Variants in CPSF1 observed in about 807,000 individuals in gnomAD.
The protein encoded by CPSF1 is cleavage and polyadenylation specific factor 1, also known as cleavage and polyadenylation specificity factor subunit 1.
Under a neutral mutation model 175.8 loss-of-function variants are expected in CPSF1, and 106 were observed. That is an observed-to-expected ratio of 0.60 (90% CI 0.52 to 0.71). The LOEUF (loss-of-function observed/expected upper bound fraction) is 0.71. CPSF1 is among the 30% of genes least tolerant of loss of function. The pLI is 0.00. For synonymous variants in CPSF1, 1,024 were observed against 858.3 expected (o/e 1.19, Z -3.37); for missense variants, 1,734 against 2,022.9 (o/e 0.86, Z 2.74).
intron 2 of CPSF1, among the ~76,000 whole-genome samples, chr8:144,403,713 C>T (rs1400275562): frequency 1.2e-3 from 2 of 1,686 alleles, no homozygotes; most frequent in Admixed American, 0.02. Flanking sequence ...CTACCATGCC[C>T]GGCTATTTTT....
chr8:144,400,371 G>A lies in CPSF1; in HGVS notation c.809C>T (p.Ala270Val). The change falls in exon 8 of 38, where the codon GCT becomes GTT. Residue 270 changes from alanine (A) to valine (V), a missense_variant. By Grantham distance (64) the Ala-to-Val change is moderately conservative. Around this residue, in one of 10 missense-constraint regions of CPSF1, gnomAD observed 61 missense variants for 104.0 expected, o/e 0.59. Coordinates refer to ENST00000616140, the MANE Select transcript of CPSF1 (RefSeq NM_013291.3). ...ACACACACCTATGGGCTTGGGCACA[G>A]CCAGAGCCTGGGTGCAGTCAAAGGG... ...SLPFDCTQAL[A>V]VPKPIGGVVV... is the part of the protein sequence containing the mutation. 1 of 1,613,904 alleles carries A rather than the reference G, an allele frequency of 6.2e-7. No homozygotes were observed. Among genetic ancestry groups the A allele is most frequent in the Non-Finnish European group, 8.5e-7 (1 of 1,179,968 alleles).
At chr8:144,396,009 C>T (rs1820698977) in intron 26 of CPSF1, 8 of 412,272 alleles carry the variant, frequency 1.9e-5, no homozygotes, top group South Asian at 6.6e-5. Flanking sequence ...GCCTGTGTGC[C>T]CTCCCAAAGT....
chr8:144,395,008 C>T lies in CPSF1; in HGVS notation c.3288G>A (p.Glu1096=). 6.2e-7 allele frequency: 1 copy of T among 1,610,202 alleles called. No individual in the cohort carries two copies. The highest frequency in any genetic ancestry group is 8.5e-7 in the Non-Finnish European group (1 of 1,177,936). ...AIPNARIELQ[E]WEHVTCMKTV... ...TCTTCATGCAGGTCACATGCTCCCA[C>T]TCCTGCAGCTCGATCCTGTGGGGGC... The change falls in exon 30 of 38, where the codon GAG becomes GAA. Residue 1096 remains glutamate (E), a synonymous_variant. Transcript: ENST00000616140.
chr8:144,398,052 T>C lies in CPSF1; in HGVS notation c.1975A>G (p.Met659Val). Residue 659 changes from methionine (M) to valine (V), a missense_variant, in exon 20 of 38, where the codon ATG becomes GTG. Met to Val is a conservative substitution (Grantham distance 21, BLOSUM62 1). Transcript: ENST00000616140. ...ATGGTGACGTGGCCCTCGGCACTCA[T>C]GATGACCACATAGGGGTCGGCCACG... is the stretch of plus-strand genomic sequence containing the variant. ...CAVADPYVVIMSAEGHVTMFL... is the reference protein window; with the variant it reads ...CAVADPYVVIVSAEGHVTMFL... The C allele has an allele frequency of 3.1e-6, 5 of 1,612,420 alleles. No individual in the cohort carries two copies. The highest frequency in any genetic ancestry group is 4.2e-6 in the Non-Finnish European group (5 of 1,179,704).
chr8:144,403,237 T>C (rs1376598246), intron 2 of CPSF1, among the ~76,000 whole-genome samples: 1 of 151,236 alleles, frequency 6.6e-6, no homozygotes, highest in African/African-American at 2.4e-5. Flanking sequence ...GCTGGGATTA[T>C]AGGCGCCCAC....
At chr8:144,407,541 G>T (rs1182264003) in intron 2 of CPSF1, among the ~76,000 whole-genome samples, 1 of 152,014 alleles carries the variant, frequency 6.6e-6, no homozygotes, top group Non-Finnish European at 1.5e-5. Flanking sequence ...AAAAAAATTA[G>T]CCGGGCGTGG....
At chr8:144,401,099 C>G (rs1821178263) in intron 5 of CPSF1, 24 bp from the exon 6 acceptor site, 2 of 1,604,894 alleles carry the variant, frequency 1.2e-6, no homozygotes, top group Non-Finnish European at 1.7e-6. Context: ...GGGCATCAGC[C>G]AGGCCCAGCA....
At chr8:144,401,734 G>C in intron 2 of CPSF1, 61 bp from the exon 3 acceptor site, 3 of 1,534,258 alleles carry the variant, frequency 2.0e-6, no homozygotes, top group Non-Finnish European at 2.6e-6. Context: ...CCTCATCCGG[G>C]GAACGAGAAA....
chr8:144,409,021 G>A lies in CPSF1; in HGVS notation c.138C>T (p.Asp46=), dbSNP rs879998051. The change falls in exon 2 of 38, where the codon GAC becomes GAT. Residue 46 remains aspartate (D), a synonymous_variant. Coordinates refer to ENST00000616140, the MANE Select transcript of CPSF1 (RefSeq NM_013291.3). ...SQLYVYRLNR[D]AEALTKNDRS... ...CTCCCAGGGCCCGACCTACCTCGGCGTCGCGGTTGAGGCGGTACACGTAGA... is the reference window on the plus strand; with the variant it reads ...CTCCCAGGGCCCGACCTACCTCGGCATCGCGGTTGAGGCGGTACACGTAGA... 1.2e-6 allele frequency: 2 copies of A among 1,612,940 alleles called. No homozygotes were observed. The highest frequency in any genetic ancestry group is 1.7e-6 in the Non-Finnish European group (2 of 1,179,662).
At position 144,398,531 on chromosome 8, in the gene CPSF1, G is replaced by T. The variant is rs2116851937; in HGVS notation, c.1746C>A (p.Ser582=). ...HGFLILSRED[S]TMILQTGQEI... ...CCCAGGCCCTGCCCCTCACCATGGT[G>T]GAGTCTTCCCGGCTCAGAATCAGGA... Residue 582 remains serine, a synonymous_variant, in exon 18 of 38, where the codon TCC becomes TCA. Coordinates refer to ENST00000616140, the MANE Select transcript of CPSF1 (RefSeq NM_013291.3). The T allele has an allele frequency of 6.2e-7, 1 of 1,613,632 alleles. No homozygotes were observed. Among genetic ancestry groups the T allele is most frequent in the South Asian group, 1.1e-5 (1 of 91,066 alleles).
At position 144,399,489 on chromosome 8, in the gene CPSF1, T is replaced by C. The variant is rs2116863297; in HGVS notation, c.1257A>G (p.Ser419=). The C allele has an allele frequency of 2.5e-6, 4 of 1,612,992 alleles. No homozygotes were observed. The highest frequency in any genetic ancestry group is 3.4e-6 in the Non-Finnish European group (4 of 1,179,914). ...REAADKEEPP[S]KKKRVDATAG... is the part of the protein sequence containing the mutation. ...CCGTCGCATCCACTCGCTTCTTCTT[T>C]GAGGGAGGCTCTTCCTGTGAGGCAG... The change falls in exon 13 of 38, where the codon TCA becomes TCG. Residue 419 remains serine (S), a synonymous_variant. Transcript: ENST00000616140. This position sits in a 1 kb window ranked among gnomAD's most constrained non-coding sequence, Gnocchi z 6.4.
rs782593372 is a variant in CPSF1 at position 144,394,101 on chromosome 8, G to A, written c.3859+12C>T. 1.2e-6 allele frequency: 2 copies of A among 1,612,274 alleles called. No homozygotes were observed. Among genetic ancestry groups the A allele is most frequent in the South Asian group, 2.2e-5 (2 of 90,974 alleles). On this transcript the variant is annotated intron_variant, in intron 34 of 37. Transcript: ENST00000616140. ...CCCCGGCCCAGGCAGAGGGGGTGGA[G>A]GAAGCACTCACCTTCGGGCAGGTAC...
chr8:144,396,134 AG>A, intron 26 of CPSF1: 2 of 592,602 alleles, frequency 3.4e-6, no homozygotes, highest in Non-Finnish European at 5.9e-6. Flanking sequence ...TGGGGACCCC[AG>A]GGGCTGCAGC....
At chr8:144,402,359 G>C (rs1236220818) in intron 2 of CPSF1, among the ~76,000 whole-genome samples, 3 of 152,154 alleles carry the variant, frequency 2.0e-5, no homozygotes, top group East Asian at 1.9e-4. Flanking sequence ...CCAGGCTGAA[G>C]TGCAGTGGCG....
At chr8:144,406,678 C>A (rs1821512593) in intron 2 of CPSF1, among the ~76,000 whole-genome samples, 1 of 152,216 alleles carries the variant, frequency 6.6e-6, no homozygotes, top group African/African-American at 2.4e-5. Flanking sequence ...GCACTGCTGC[C>A]TGATGTGGAA....
At chr8:144,395,670 G>A (rs1323429298) in intron 26 of CPSF1, 119 bp from the exon 27 acceptor site, 4 of 813,734 alleles carry the variant, frequency 4.9e-6, no homozygotes, top group Admixed American at 2.2e-5. Context: ...AGGGGTGGGT[G>A]AGGGGCAGCT....
chr8:144,398,167 A>AACCACCTCCCCG, intron 19 of CPSF1, 35 bp from the exon 20 acceptor site: 1 of 590,444 alleles, frequency 1.7e-6, no homozygotes, highest in African/African-American at 3.1e-5. Flanking sequence ...GCGCCTCCCC[A>AACCACCTCCCCG]CCACCGTCCC....
At chr8:144,396,154 C>T (rs1376410310) in intron 26 of CPSF1, 194 bp downstream of exon 26, 2 of 636,938 alleles carry the variant, frequency 3.1e-6, no homozygotes, top group Non-Finnish European at 2.7e-6. Flanking sequence ...GCCCCAGCTC[C>T]CAACCACCCC....
chr8:144,399,476 C>A lies in CPSF1; in HGVS notation c.1270G>T (p.Val424Leu), dbSNP rs782459724. ...CCTGACCAGCCGGCCGTCGCATCCA[C>A]TCGCTTCTTCTTTGAGGGAGGCTCT... ...KEEPPSKKKR[V>L]DATAGWSAAG... The change falls in exon 13 of 38, where the codon GTG (valine) becomes TTG (leucine). Residue 424 changes from valine to leucine, a missense_variant. By Grantham distance (32) the Val-to-Leu change is conservative. Around this residue, in one of 10 missense-constraint regions of CPSF1, gnomAD observed 162 missense variants for 169.5 expected, o/e 0.96. Transcript: ENST00000616140. This position sits in a 1 kb window ranked among gnomAD's most constrained non-coding sequence, Gnocchi z 6.4. The A allele has an allele frequency of 6.2e-7, 1 of 1,612,984 alleles. No homozygotes were observed. The highest frequency in any genetic ancestry group is 2.2e-5 in the East Asian group (1 of 44,888).
Sources: gnomAD v4.1 joint callset for allele counts (sites outside exome capture counted in the v4.1 genomes callset) on GRCh38, gnomAD v4.1.1 for gene constraint, gnomAD v4.1.1 regional missense constraint, Gnocchi (gnomAD v3.1) non-coding constraint, MANE v1.5 for transcripts, NCBI Gene and HGNC (gene_info 2026-07-23, HGNC 2026-07-21) for gene names.